Variants in TRIM24 observed in about 807,000 individuals in gnomAD.
TRIM24 encodes the protein transcription intermediary factor 1-alpha.
TRIM24 carries 29 observed loss-of-function variants against 123.9 expected under a neutral mutation model. The observed-to-expected ratio is 0.23, with a 90% CI of 0.17 to 0.32. TRIM24 has a LOEUF of 0.32. Among genes scored for constraint, TRIM24 ranks in the 10% least tolerant of loss-of-function variants. The pLI is 1.00. For missense variants in TRIM24, 932 were observed against 1,295.3 expected (o/e 0.72, Z 4.31); for synonymous variants, 456 against 461.1 (o/e 0.99, Z 0.14).
chr7:138,505,717 T>G (rs1289202245), intron 2 of TRIM24, among the ~76,000 whole-genome samples: 2 of 152,206 alleles, frequency 1.3e-5, no homozygotes, highest in African/African-American at 4.8e-5. Flanking sequence ...AAGGCTTACT[T>G]GGCAGCATTG....
chr7:138,527,982 A>G (rs1188553237), intron 5 of TRIM24, among the ~76,000 whole-genome samples: 1 of 152,234 alleles, frequency 6.6e-6, no homozygotes, highest in African/African-American at 2.4e-5. Context: ...ACAAGCTTAC[A>G]GTGGCGTGAA....
chr7:138,484,281 G>A (rs1379425062), intron 1 of TRIM24, among the ~76,000 whole-genome samples: 1 of 151,582 alleles, frequency 6.6e-6, no homozygotes, highest in Non-Finnish European at 1.5e-5. Context: ...GGCTAATTTT[G>A]TATTTTTAGT....
Position 138,460,584 on chromosome 7 carries a change from G to A in TRIM24, c.36G>A (p.Ala12=), listed in dbSNP as rs1794936478. ...EVAVEKAVAA[A]AAASAAASGG... Reference sequence around the variant, plus strand: ...CGGTGGAGAAGGCGGTGGCGGCGGCGGCAGCGGCCTCGGCTGCGGCCTCCG... The same window carrying A: ...CGGTGGAGAAGGCGGTGGCGGCGGCAGCAGCGGCCTCGGCTGCGGCCTCCG... The change falls in exon 1 of 19, where the codon GCG becomes GCA. Residue 12 remains alanine (A), a synonymous_variant. Coordinates refer to ENST00000343526, the MANE Select transcript of TRIM24 (RefSeq NM_015905.3). The A allele has an allele frequency of 7.6e-7, 1 of 1,315,604 alleles. No individual in the cohort carries two copies. Among genetic ancestry groups the A allele is most frequent in the Non-Finnish European group, 9.6e-7 (1 of 1,042,834 alleles). The allele number at this position is 1,315,604 out of a possible 1,614,324, so 81.5% of individuals were successfully genotyped here. A position where few individuals can be genotyped will look rare whatever the true frequency, so the allele number is the denominator to read the frequency against.
chr7:138,468,729 G>C (rs1017816042), intron 1 of TRIM24, among the ~76,000 whole-genome samples: 6 of 152,056 alleles, frequency 3.9e-5, no homozygotes, highest in African/African-American at 1.4e-4. Flanking sequence ...GCTGCTCTCT[G>C]GTAAACTTCC....
chr7:138,486,545 T>C (rs1197251789), intron 1 of TRIM24, among the ~76,000 whole-genome samples: 2 of 152,230 alleles, frequency 1.3e-5, no homozygotes, highest in African/African-American at 4.8e-5. Flanking sequence ...GGTTTCAGCT[T>C]TCTACATATG....
At chr7:138,575,015 AG>A (rs1377456408) in intron 12 of TRIM24, among the ~76,000 whole-genome samples, 3 of 152,326 alleles carry the variant, frequency 2.0e-5, no homozygotes, top group African/African-American at 7.2e-5. Flanking sequence ...AAAATAAATT[AG>A]AATGTGCTCA....
chr7:138,573,674 G>T, intron 12 of TRIM24, 32 bp downstream of exon 12: 1 of 1,580,904 alleles, frequency 6.3e-7, no homozygotes, highest in Non-Finnish European at 8.6e-7. Context: ...TTTTGTGAAA[G>T]TTTTTCTAGT....
In TRIM24 at chr7:138,567,513, T is replaced by C; in HGVS notation, c.1563T>C (p.Asn521=). The change falls in exon 10 of 19, where the codon AAT becomes AAC. Residue 521 remains asparagine (N), a synonymous_variant. Transcript: ENST00000343526. ...CTCCACGTTTGATAAACTTTCAGAA[T>C]CACAGCCCCAAACCCAATGGACCAG... ...QPPPRLINFQ[N]HSPKPNGPVL... The C allele has an allele frequency of 6.2e-7, 1 of 1,611,914 alleles. No homozygotes were observed. The highest frequency in any genetic ancestry group is 1.3e-5 in the African/African-American group (1 of 74,962).
chr7:138,499,082 T>C (rs909035751), intron 1 of TRIM24, among the ~76,000 whole-genome samples: 1 of 151,958 alleles, frequency 6.6e-6, no homozygotes. Context: ...GGATTTGTCT[T>C]TTTTTTTAAT....
rs540721806 is a variant in TRIM24 at position 138,562,201 on chromosome 7, C to T, written c.1531-5280C>T. ...GCAGCAAGGTGCAGTTGTCATTTGG[C>T]GGGGTGTAGGCCTTGAGGTTTAAAG... On this transcript the variant is annotated intron_variant, in intron 9 of 18. Coordinates refer to ENST00000343526, the MANE Select transcript of TRIM24 (RefSeq NM_015905.3). Among the ~76,000 whole-genome samples the T allele has an allele frequency of 3.3e-5, 5 of 152,106 alleles. 1 individual carries two copies. The highest frequency in any genetic ancestry group is 7.2e-5 in the African/African-American group (3 of 41,482).
chr7:138,509,977 G>A (rs979354680), intron 2 of TRIM24, among the ~76,000 whole-genome samples: 2 of 152,184 alleles, frequency 1.3e-5, no homozygotes, highest in Non-Finnish European at 2.9e-5. Flanking sequence ...CTGACGGGCA[G>A]AAGTAGTGGT....
chr7:138,496,005 CATA>C (rs1795898237), intron 1 of TRIM24, among the ~76,000 whole-genome samples: 1 of 152,190 alleles, frequency 6.6e-6, no homozygotes, highest in Non-Finnish European at 1.5e-5. Context: ...TAGCTCTATC[CATA>C]GTAAATCTTG....
intron 1 of TRIM24, among the ~76,000 whole-genome samples, chr7:138,487,311 C>T (rs1016606456): frequency 5.3e-5 from 8 of 152,182 alleles, no homozygotes; most frequent in African/African-American, 1.9e-4. Flanking sequence ...TCCTCTTTTG[C>T]TAATTGAATA....
intron 5 of TRIM24, among the ~76,000 whole-genome samples, chr7:138,528,698 C>T (rs957852315): frequency 6.6e-5 from 10 of 151,662 alleles, no homozygotes; most frequent in African/African-American, 2.4e-4. Flanking sequence ...GTCACATATA[C>T]ACTTTTCTAG....
intron 2 of TRIM24, among the ~76,000 whole-genome samples, chr7:138,512,053 C>T (rs1796298887): frequency 6.6e-6 from 1 of 152,172 alleles, no homozygotes; most frequent in South Asian, 2.1e-4. Flanking sequence ...TGTGCAAGTC[C>T]AAAACCCAGC....
intron 10 of TRIM24, among the ~76,000 whole-genome samples, chr7:138,567,875 G>A (rs368352521): frequency 1.3e-5 from 2 of 152,042 alleles, no homozygotes; most frequent in South Asian, 2.1e-4. Flanking sequence ...AATGACCATA[G>A]GTATTAATTT....
Position 138,588,345 on chromosome 7 carries a change from A to G in TRIM24, c.*3394A>G, listed in dbSNP as rs560997178. On this transcript the variant is annotated 3_prime_UTR_variant, in exon 19 of 19. Transcript: ENST00000343526. ...GGTTTTAGGTTTAAATTGAAGATACATTCATTTTATATGTATTTGTTGTGA... is the reference window on the plus strand; with the variant it reads ...GGTTTTAGGTTTAAATTGAAGATACGTTCATTTTATATGTATTTGTTGTGA... The G allele has an allele frequency of 6.6e-6, 1 of 152,360 alleles. No homozygotes were observed. The highest frequency in any genetic ancestry group is 1.9e-4 in the East Asian group (1 of 5,190). 9.4% of individuals were successfully genotyped at this position (152,360 alleles called of 1,614,324 possible). A position where few individuals can be genotyped will look rare whatever the true frequency, so the allele number is the denominator to read the frequency against.
At chr7:138,479,493 C>CT (rs1795478474) in intron 1 of TRIM24, among the ~76,000 whole-genome samples, 1 of 151,994 alleles carries the variant, frequency 6.6e-6, no homozygotes, top group Admixed American at 6.6e-5. Flanking sequence ...CAGCCGTAGA[C>CT]TCCTGAGTAG....
intron 9 of TRIM24, among the ~76,000 whole-genome samples, chr7:138,561,994 C>A (rs958408609): frequency 2.0e-5 from 3 of 152,174 alleles, no homozygotes; most frequent in African/African-American, 7.2e-5. Context: ...AAACAGCCTT[C>A]TTTCGCTCAC....
Sources: gnomAD v4.1 joint callset for allele counts (sites outside exome capture counted in the v4.1 genomes callset) on GRCh38, gnomAD v4.1.1 for gene constraint, MANE v1.5 for transcripts, NCBI Gene and HGNC (gene_info 2026-07-23, HGNC 2026-07-21) for gene names.